CUBN: variants seen among roughly 807,000 people sequenced by gnomAD.
The protein encoded by CUBN is cubilin.
CUBN carries 282 observed loss-of-function variants against 405.3 expected under a neutral mutation model. The observed-to-expected ratio is 0.70, with a 90% CI of 0.63 to 0.77. The LOEUF is 0.77. Among genes scored for constraint, CUBN ranks in the 30% least tolerant of loss-of-function variants. The pLI, the probability that CUBN is intolerant of heterozygous loss-of-function variation, is 0.00. For synonymous variants in CUBN, 1,684 were observed against 1,617.0 expected (o/e 1.04, Z -0.99); for missense variants, 4,514 against 4,475.2 (o/e 1.01, Z -0.25).
At chr10:16,907,424 T>G in intron 49 of CUBN, 84 bp downstream of exon 49, 1 of 1,358,362 alleles carries the variant, frequency 7.4e-7, no homozygotes, top group Admixed American at 1.7e-5. Flanking sequence ...GGAAAATGGA[T>G]GGCTCTGCTG....
intron 29 of CUBN, among the ~76,000 whole-genome samples, chr10:16,984,588 T>G (rs1028410631): frequency 6.6e-6 from 1 of 152,208 alleles, no homozygotes; most frequent in African/African-American, 2.4e-5. Flanking sequence ...TTTTCATGTC[T>G]TTGTGGGCTT....
At position 17,047,494 on chromosome 10, in the gene CUBN, G is replaced by C. The variant is rs1341681966; in HGVS notation, c.3249C>G (p.Gly1083=). 2 of 1,613,898 alleles carry C rather than the reference G, an allele frequency of 1.2e-6. No homozygotes were observed. The highest frequency in any genetic ancestry group is 1.7e-5 in the Admixed American group (1 of 60,016). The change falls in exon 23 of 67, where the codon GGC becomes GGG. Residue 1083 remains glycine (G), a synonymous_variant. Transcript: ENST00000377833. ...TTGTGAAGTGCACTGCAATCAGTTGGCCAGTTCTCACTGTGATCCGATAAA... is the reference window on the plus strand; with the variant it reads ...TTGTGAAGTGCACTGCAATCAGTTGCCCAGTTCTCACTGTGATCCGATAAA... The part of the protein sequence containing the change: ...ECIYRITVRT[G]QLIAVHFTNF...
intron 22 of CUBN, among the ~76,000 whole-genome samples, chr10:17,064,242 C>T (rs1470498319): frequency 1.3e-5 from 2 of 152,200 alleles, no homozygotes; most frequent in East Asian, 3.8e-4. Flanking sequence ...AAATCTAAAG[C>T]CATGCTTTTG....
chr10:16,949,087 T>C (rs1279343406), intron 34 of CUBN, among the ~76,000 whole-genome samples: 1 of 152,220 alleles, frequency 6.6e-6, no homozygotes, highest in Non-Finnish European at 1.5e-5. Flanking sequence ...AAGGGGCATA[T>C]TGAAAATAAT....
intron 54 of CUBN, among the ~76,000 whole-genome samples, chr10:16,891,341 T>C (rs1336848671): frequency 2.0e-5 from 3 of 152,114 alleles, no homozygotes; most frequent in East Asian, 1.9e-4. Flanking sequence ...GATGGGGCTG[T>C]TGAGAATATA....
intron 53 of CUBN, 133 bp downstream of exon 53, chr10:16,900,492 G>A (rs941928582): frequency 2.3e-5 from 17 of 747,330 alleles, no homozygotes; most frequent in African/African-American, 1.7e-4. Flanking sequence ...TCCCACCAGG[G>A]TTGCTGCATG....
chr10:17,056,836 A>G (rs899729586), intron 22 of CUBN, among the ~76,000 whole-genome samples: 30 of 151,550 alleles, frequency 2.0e-4, no homozygotes, highest in African/African-American at 7.3e-4. Flanking sequence ...TGTATGCAGA[A>G]TATACAACAT....
At chr10:16,935,879 C>CAAAAAA (rs369098280) in intron 39 of CUBN, among the ~76,000 whole-genome samples, 3 of 71,394 alleles carry the variant, frequency 4.2e-5, no homozygotes, top group East Asian at 3.7e-4. Flanking sequence ...GACTCCATCT[C>CAAAAAA]AAAAAAAAAA....
rs557582512 is a variant in CUBN, at chr10:17,047,682, A to T, written c.3140-79T>A. The stretch of plus-strand genomic sequence containing the variant: ...TAATACATCCAGTAATATGTATTTC[A>T]TTAATTTGTGCCTATACTTGATTTT... On this transcript the variant is annotated intron_variant, in intron 22 of 66. Transcript: ENST00000377833. The T allele has an allele frequency of 1.9e-5, 25 of 1,313,556 alleles. No homozygotes were observed. The East Asian group carries it at 5.9e-4, about 31-fold the overall frequency. The allele number at this position is 1,313,556 out of a possible 1,614,324, so 81.4% of individuals were successfully genotyped here. A position where few individuals can be genotyped will look rare whatever the true frequency, so the allele number is the denominator to read the frequency against.
At chr10:16,867,957 AAC>A (rs1220004736) in intron 59 of CUBN, among the ~76,000 whole-genome samples, 1 of 152,230 alleles carries the variant, frequency 6.6e-6, no homozygotes, top group Non-Finnish European at 1.5e-5. Flanking sequence ...GAAAAAGAAA[AAC>A]AACTTGAAAG....
In CUBN at chr10:17,050,609, C is replaced by T. The variant is rs566067097; in HGVS notation, c.3140-3006G>A. ...CAGAAAGCATGTCAGACAGGAGCTG[C>T]TACTAGGCTGGAAGCGGAAACAAGA... On this transcript the variant is annotated intron_variant, in intron 22 of 66. Transcript: ENST00000377833. 2.0e-5 allele frequency among the ~76,000 whole-genome samples: 3 copies of T among 152,300 alleles called. No individual in the cohort carries two copies. In the South Asian group the frequency reaches 6.2e-4, roughly 32 times the overall value.
Position 17,104,744 on chromosome 10 carries a change from T to C in CUBN, c.1231-139A>G, listed in dbSNP as rs369762177. 2.4e-5 allele frequency: 5 copies of C among 212,548 alleles called. No homozygotes were observed. The East Asian group carries it at 3.6e-4, about 15-fold the overall frequency. The allele number at this position is 212,548 out of a possible 1,614,324, so 13.2% of individuals were successfully genotyped here. A position where few individuals can be genotyped will look rare whatever the true frequency, so the allele number is the denominator to read the frequency against. The stretch of plus-strand genomic sequence containing the variant: ...TATAATTATTATATATAAAATAATA[T>C]ATAATTATATATTTAAAAATAATTA... On this transcript the variant is annotated intron_variant, in intron 11 of 66. Coordinates refer to ENST00000377833, the MANE Select transcript of CUBN (RefSeq NM_001081.4).
chr10:16,928,532 C>CCCCCTTT (rs1403918589), intron 40 of CUBN, among the ~76,000 whole-genome samples: 119 of 107,072 alleles, frequency 1.1e-3, no homozygotes, highest in Admixed American at 1.3e-3. Flanking sequence ...CCACCCCCCC[C>CCCCCTTT]TTTTTTTTTT....
chr10:16,979,814 A>G (rs934200900), intron 31 of CUBN, among the ~76,000 whole-genome samples: 6 of 152,240 alleles, frequency 3.9e-5, no homozygotes, highest in African/African-American at 1.4e-4. Context: ...ACCAAGAGCA[A>G]TGGTAACAAA....
At chr10:16,975,318 C>A (rs901717266) in intron 31 of CUBN, among the ~76,000 whole-genome samples, 2 of 152,204 alleles carry the variant, frequency 1.3e-5, no homozygotes, top group African/African-American at 2.4e-5. Context: ...TTAAGCCAAG[C>A]CCAGCTGCAT....
Position 16,888,436 on chromosome 10 carries a change from A to C in CUBN, c.8886T>G (p.Phe2962Leu), listed in dbSNP as rs1840884958. 5.6e-6 allele frequency: 9 copies of C among 1,613,510 alleles called. No individual in the cohort carries two copies. The highest frequency in any genetic ancestry group is 2.2e-5 in the East Asian group (1 of 44,812). The part of the protein sequence containing the change: ...ANPLSVVLLT[F>L]VSFHLEARSA... ...ACTTACCTTCTAAGTGGAAGGACACAAAAGTCAAGAGGACCACTGACAGAG... is the reference window on the plus strand; with the variant it reads ...ACTTACCTTCTAAGTGGAAGGACACCAAAGTCAAGAGGACCACTGACAGAG... Residue 2962 changes from phenylalanine to leucine, a missense_variant, in exon 56 of 67, where the codon TTT becomes TTG. Phe to Leu is a conservative substitution (Grantham distance 22). Around this residue, in one of 5 missense-constraint regions of CUBN, gnomAD observed 1,186 missense variants for 1,186.9 expected, o/e 1.00. Transcript: ENST00000377833.
rs1271764322 is a variant in CUBN at position 17,071,635 on chromosome 10, T to C, written c.2447-31A>G. The C allele has an allele frequency of 1.9e-6, 3 of 1,594,032 alleles. No homozygotes were observed. The Admixed American group carries it at 5.0e-5, about 27-fold the overall frequency. ...AGCATAAAAATTATAGTAGTGCTTGTCCAGATATTAATAATTTTATCTCAA... is the reference window on the plus strand; with the variant it reads ...AGCATAAAAATTATAGTAGTGCTTGCCCAGATATTAATAATTTTATCTCAA... On this transcript the variant is annotated intron_variant, in intron 18 of 66. Transcript: ENST00000377833.
At chr10:16,996,089 G>A (rs1040685433) in intron 28 of CUBN, among the ~76,000 whole-genome samples, 12 of 152,046 alleles carry the variant, frequency 7.9e-5, no homozygotes, top group Admixed American at 7.2e-4. Flanking sequence ...TCAAAGGCAC[G>A]GAACTAACAA....
intron 47 of CUBN, among the ~76,000 whole-genome samples, chr10:16,914,556 C>T (rs1456322231): frequency 2.7e-5 from 4 of 150,534 alleles, no homozygotes; most frequent in Non-Finnish European, 5.9e-5. Context: ...GAGACACTGT[C>T]TCAGAAAAGA....
Sources: gnomAD v4.1 joint callset for allele counts (sites outside exome capture counted in the v4.1 genomes callset) on GRCh38, gnomAD v4.1.1 for gene constraint, gnomAD v4.1.1 regional missense constraint, MANE v1.5 for transcripts, NCBI Gene and HGNC (gene_info 2026-07-23, HGNC 2026-07-21) for gene names.